The following RMDN2 variants were observed in gnomAD, a reference collection of about 807,000 sequenced individuals.
The protein encoded by RMDN2 is regulator of microtubule dynamics protein 2.
RMDN2 carries 61 observed loss-of-function variants against 52.8 expected under a neutral mutation model. The ratio of observed to expected loss-of-function variants is 1.16; its 90% CI spans 0.94 to 1.43. The LOEUF is 1.43. Ranked by LOEUF, RMDN2 falls within the 40% of genes most tolerant of loss-of-function variation. The pLI is 0.00. For synonymous variants in RMDN2, 180 were observed against 153.1 expected (o/e 1.18, Z -1.30); for missense variants, 592 against 475.3 (o/e 1.25, Z -2.28).
At chr2:38,011,434 A>G (rs1423402948) in intron 10 of RMDN2, among the ~76,000 whole-genome samples, 1 of 152,176 alleles carries the variant, frequency 6.6e-6, no homozygotes, top group African/African-American at 2.4e-5. Context: ...TCATACCACC[A>G]AACACTATCA....
At chr2:37,963,478 T>C (rs1670564715) in intron 2 of RMDN2, among the ~76,000 whole-genome samples, 1 of 152,164 alleles carries the variant, frequency 6.6e-6, no homozygotes, top group Non-Finnish European at 1.5e-5. Context: ...TCCGCAGTGT[T>C]TGTGTCCCTG....
chr2:37,989,757 A>G, intron 6 of RMDN2, 141 bp downstream of exon 6: 1 of 542,260 alleles, frequency 1.8e-6, no homozygotes, highest in Non-Finnish European at 3.2e-6. Context: ...AAGCTCTGGG[A>G]ATTTGCTTTT....
intron 10 of RMDN2, among the ~76,000 whole-genome samples, chr2:38,039,075 CACACACACACACACACACAGAG>C (rs1257053215): frequency 1.1e-5 from 1 of 87,612 alleles, no homozygotes; most frequent in Non-Finnish European, 2.3e-5. Flanking sequence ...CACACACACA[CACACACACACACACACACAGAG>C]AGAGAGATAA....
intron 2 of RMDN2, among the ~76,000 whole-genome samples, chr2:37,942,106 T>A (rs1304317411): frequency 6.6e-6 from 1 of 152,096 alleles, no homozygotes; most frequent in African/African-American, 2.4e-5. Flanking sequence ...GGGCCAGATA[T>A]CTCTGTCCCT....
chr2:37,928,878 T>A (rs1286120300), intron 1 of RMDN2: 1 of 153,254 alleles, frequency 6.5e-6, no homozygotes, highest in East Asian at 1.9e-4. Context: ...TCTCTTCTAT[T>A]TGTTTTCTAT....
At chr2:38,049,138 C>A (rs542884467) in intron 10 of RMDN2, among the ~76,000 whole-genome samples, 2 of 152,292 alleles carry the variant, frequency 1.3e-5, no homozygotes, top group South Asian at 4.1e-4. Flanking sequence ...GTCTAGTTCC[C>A]TCATAGTTTG....
At chr2:37,992,194 C>G (rs1027454733) in intron 7 of RMDN2, among the ~76,000 whole-genome samples, 6 of 152,076 alleles carry the variant, frequency 3.9e-5, no homozygotes, top group African/African-American at 1.4e-4. Flanking sequence ...AAGAACCTTC[C>G]CAAAGTCCCA....
chr2:38,044,472 C>T (rs1681150700), intron 10 of RMDN2, among the ~76,000 whole-genome samples: 1 of 151,848 alleles, frequency 6.6e-6, no homozygotes, highest in African/African-American at 2.4e-5. Context: ...ATCTTCTGCC[C>T]TTTTGTTTCT....
At chr2:37,964,671 G>A (rs541496003) in intron 2 of RMDN2, among the ~76,000 whole-genome samples, 3 of 152,070 alleles carry the variant, frequency 2.0e-5, no homozygotes, top group African/African-American at 7.2e-5. Flanking sequence ...TGGGTGGCAT[G>A]GTCTATATGT....
At chr2:37,958,066 A>G (rs1368741281) in intron 2 of RMDN2, among the ~76,000 whole-genome samples, 1 of 152,172 alleles carries the variant, frequency 6.6e-6, no homozygotes, top group Non-Finnish European at 1.5e-5. Flanking sequence ...TGTAGTTTGA[A>G]GTCAGGTAGT....
Position 38,013,716 on chromosome 2 carries a change from C to G in RMDN2, c.1180-3470C>G, listed in dbSNP as rs1315593700. Among the ~76,000 whole-genome samples, 5 of 152,152 alleles carry G rather than the reference C, an allele frequency of 3.3e-5. No individual in the cohort carries two copies. In the East Asian group the frequency reaches 9.6e-4, roughly 29 times the overall value. ...ATAAGTTATAAAACAGAATTTGTAT[C>G]CATTCACTCTGCCTTCCTGTTATAG... is the stretch of plus-strand genomic sequence containing the variant. On this transcript the variant is annotated intron_variant, in intron 10 of 10. Coordinates refer to ENST00000354545, the MANE Select transcript of RMDN2 (RefSeq NM_001170791.3).
Position 37,974,053 on chromosome 2 carries a change from A to C in RMDN2, c.466A>C (p.Asn156His). 6.2e-7 allele frequency: 1 copy of C among 1,610,088 alleles called. No homozygotes were observed. The highest frequency in any genetic ancestry group is 8.5e-7 in the Non-Finnish European group (1 of 1,178,174). ...AESEGGYITA[N>H]TDTEEQSFPV... is the part of the protein sequence containing the mutation. The stretch of plus-strand genomic sequence containing the variant: ...CTGCGATTTTAGGTATATTACAGCT[A>C]ATACTGACACAGAAGAACAGAGTTT... The change falls in exon 3 of 11, where the codon AAT becomes CAT. Residue 156 changes from asparagine to histidine, a missense_variant. Physicochemically the swap from Asn to His is moderately conservative, Grantham distance 68. Coordinates refer to ENST00000354545, the MANE Select transcript of RMDN2 (RefSeq NM_001170791.3).
chr2:37,973,555 A>G (rs1672071062), intron 2 of RMDN2, among the ~76,000 whole-genome samples: 1 of 152,218 alleles, frequency 6.6e-6, no homozygotes, highest in South Asian at 2.1e-4. Context: ...AAGGTAATAC[A>G]TGCTATGGGA....
At position 37,985,286 on chromosome 2, in the gene RMDN2, G is replaced by A. The variant is rs78436128; in HGVS notation, c.791+3943G>A. Reference sequence around the variant, plus strand: ...GCATCTATGCTTTTCATTCCAGCACGGTTAGATGGGTTGTTTTGTGCATCT... The same window carrying A: ...GCATCTATGCTTTTCATTCCAGCACAGTTAGATGGGTTGTTTTGTGCATCT... On this transcript the variant is annotated intron_variant, in intron 5 of 10. Coordinates refer to ENST00000354545, the MANE Select transcript of RMDN2 (RefSeq NM_001170791.3). Among the ~76,000 whole-genome samples the A allele has an allele frequency of 9.3e-4, 141 of 152,246 alleles. 2 individuals carry two copies. The East Asian group carries it at 0.022, about 24-fold the overall frequency.
intron 10 of RMDN2, among the ~76,000 whole-genome samples, chr2:38,016,690 A>G: frequency 6.6e-6 from 1 of 152,182 alleles, no homozygotes; most frequent in East Asian, 1.9e-4. Context: ...TATCTGAAAG[A>G]TGCCATCTTT....
intron 10 of RMDN2, among the ~76,000 whole-genome samples, chr2:38,065,887 T>G (rs371731677): frequency 6.6e-6 from 1 of 152,192 alleles, no homozygotes; most frequent in East Asian, 1.9e-4. Flanking sequence ...AGCAGTGTGG[T>G]GAGGATTCCC....
chr2:38,000,379 A>C (rs1331944700), intron 8 of RMDN2, among the ~76,000 whole-genome samples: 8 of 152,196 alleles, frequency 5.3e-5, no homozygotes, highest in Non-Finnish European at 1.2e-4. Context: ...ACCCATTTTA[A>C]GTGTACAGTT....
chr2:37,949,141 A>G (rs1273014020), intron 2 of RMDN2, among the ~76,000 whole-genome samples: 1 of 152,194 alleles, frequency 6.6e-6, no homozygotes, highest in African/African-American at 2.4e-5. Flanking sequence ...AATGTAATAG[A>G]TTGCTACAGA....
intron 2 of RMDN2, among the ~76,000 whole-genome samples, chr2:37,932,838 G>A (rs1349238424): frequency 7.7e-4 from 98 of 127,220 alleles, no homozygotes; most frequent in African/African-American, 9.6e-4. Flanking sequence ...CCTCCCTCCC[G>A]GACGGGGCGG....
Sources: gnomAD v4.1 joint callset for allele counts (sites outside exome capture counted in the v4.1 genomes callset) on GRCh38, gnomAD v4.1.1 for gene constraint, MANE v1.5 for transcripts, NCBI Gene and HGNC (gene_info 2026-07-23, HGNC 2026-07-21) for gene names.